The following CDC42BPA variants were observed in gnomAD, a reference collection of about 807,000 sequenced individuals.
CDC42BPA encodes CDC42 binding protein kinase alpha, also known as serine/threonine-protein kinase MRCK alpha.
Under a neutral mutation model 223.5 loss-of-function variants are expected in CDC42BPA, and 80 were observed. That is an observed-to-expected ratio of 0.36 (90% CI 0.30 to 0.43). The LOEUF (loss-of-function observed/expected upper bound fraction) is 0.43. Among genes scored for constraint, CDC42BPA ranks in the 20% least tolerant of loss-of-function variants. CDC42BPA has a pLI of 1.00. For synonymous variants in CDC42BPA, 694 were observed against 718.6 expected (o/e 0.97, Z 0.55); for missense variants, 1,743 against 2,099.9 (o/e 0.83, Z 3.32).
chr1:227,188,583 A>T (rs1196732246), intron 5 of CDC42BPA, among the ~76,000 whole-genome samples: 1 of 152,184 alleles, frequency 6.6e-6, no homozygotes, highest in African/African-American at 2.4e-5. Context: ...TTGCTAAGCG[A>T]GAGAAGCCAA....
At chr1:227,102,451 A>G (rs1685207150) in intron 14 of CDC42BPA, among the ~76,000 whole-genome samples, 1 of 152,154 alleles carries the variant, frequency 6.6e-6, no homozygotes, top group South Asian at 2.1e-4. Context: ...CTAAATTGAC[A>G]TCTGTGGCAC....
At chr1:227,035,867 C>T (rs970556734) in intron 24 of CDC42BPA, among the ~76,000 whole-genome samples, 8 of 152,102 alleles carry the variant, frequency 5.3e-5, no homozygotes, top group Non-Finnish European at 1.0e-4. Context: ...AAGCAACAGA[C>T]GAAGCATCTA....
At chr1:227,232,637 A>C (rs932970488) in intron 2 of CDC42BPA, among the ~76,000 whole-genome samples, 2 of 152,222 alleles carry the variant, frequency 1.3e-5, no homozygotes, top group Non-Finnish European at 2.9e-5. Flanking sequence ...TCTAACAGTC[A>C]GGACCCTCAG....
At chr1:227,065,721 T>A (rs1184511006) in intron 21 of CDC42BPA, among the ~76,000 whole-genome samples, 3 of 151,924 alleles carry the variant, frequency 2.0e-5, no homozygotes, top group Non-Finnish European at 4.4e-5. Context: ...AAAGTAGGAG[T>A]AAAGAAGGTA....
chr1:227,257,968 A>G (rs1683382587), intron 1 of CDC42BPA, among the ~76,000 whole-genome samples: 1 of 150,650 alleles, frequency 6.6e-6, no homozygotes, highest in Admixed American at 6.6e-5. Flanking sequence ...CTAAGAGTTC[A>G]AGACCAGCGT....
chr1:227,268,619 T>C (rs543689934), intron 1 of CDC42BPA, among the ~76,000 whole-genome samples: 1 of 91,124 alleles, frequency 1.1e-5, no homozygotes, highest in South Asian at 3.9e-4. Flanking sequence ...AGTGTGTGTA[T>C]ATATATAGTA....
chr1:227,166,617 G>C (rs565424465), intron 5 of CDC42BPA, among the ~76,000 whole-genome samples: 5 of 152,194 alleles, frequency 3.3e-5, no homozygotes, highest in Non-Finnish European at 1.5e-5. Flanking sequence ...ATTTATAGTA[G>C]TCATAAGAAA....
At chr1:227,267,673 T>C (rs1167108932) in intron 1 of CDC42BPA, among the ~76,000 whole-genome samples, 2 of 152,138 alleles carry the variant, frequency 1.3e-5, no homozygotes, top group Non-Finnish European at 2.9e-5. Flanking sequence ...TCAGAAAACT[T>C]ACAATCATGG....
chr1:227,150,234 A>AC (rs1180957260), intron 6 of CDC42BPA, among the ~76,000 whole-genome samples: 4 of 151,614 alleles, frequency 2.6e-5, no homozygotes, highest in African/African-American at 7.3e-5. Context: ...CAAAAAAAAA[A>AC]AAACAAAAAA....
In CDC42BPA at chr1:226,993,950, CACTT is replaced by C. The variant is rs1661065915; in HGVS notation, c.*314_*317del. On this transcript the variant is annotated 3_prime_UTR_variant, in exon 37 of 37. Transcript: ENST00000366766. Reference sequence around the variant, plus strand: ...AAAATCTGTCTAATCTTATTCTTATCACTTACATTTGTGTAATCTGTCTATTTAA... The same window carrying C: ...AAAATCTGTCTAATCTTATTCTTATCACATTTGTGTAATCTGTCTATTTAA... 1 of 229,112 alleles carries C rather than the reference CACTT, an allele frequency of 4.4e-6. No individual in the cohort carries two copies. The highest frequency in any genetic ancestry group is 2.3e-5 in the African/African-American group (1 of 43,320). The allele number at this position is 229,112 out of a possible 1,614,324, so 14.2% of individuals were successfully genotyped here. A position where few individuals can be genotyped will look rare whatever the true frequency, so the allele number is the denominator to read the frequency against.
chr1:227,063,000 T>C (rs1269952383), intron 21 of CDC42BPA, among the ~76,000 whole-genome samples: 1 of 152,166 alleles, frequency 6.6e-6, no homozygotes, highest in Non-Finnish European at 1.5e-5. Flanking sequence ...ACAATACATT[T>C]TCTAAGCCAA....
chr1:227,008,364 G>A (rs1337072164), intron 34 of CDC42BPA, among the ~76,000 whole-genome samples: 1 of 152,124 alleles, frequency 6.6e-6, no homozygotes, highest in Non-Finnish European at 1.5e-5. Flanking sequence ...TATCTTCTTT[G>A]CTATAATATG....
At chr1:227,029,343 G>C in intron 29 of CDC42BPA, 93 bp from the exon 30 acceptor site, 1 of 775,808 alleles carries the variant, frequency 1.3e-6, no homozygotes, top group Non-Finnish European at 2.0e-6. Context: ...ACTTACAGAT[G>C]CACATACGGA....
Position 227,206,424 on chromosome 1 carries a change from C to T in CDC42BPA, c.354+6712G>A, listed in dbSNP as rs74789141. Among the ~76,000 whole-genome samples the T allele has an allele frequency of 2.7e-3, 404 of 152,098 alleles. 3 individuals carry two copies. Among genetic ancestry groups the T allele is most frequent in the African/African-American group, 9.4e-3 (390 of 41,506 alleles). On this transcript the variant is annotated intron_variant, in intron 3 of 36. Transcript: ENST00000366766. ...GGCTTCCTAGCACCTTTGAGTAACC[C>T]GTATATCATTAATTATATATTTGAC...
chr1:226,998,718 C>T lies in CDC42BPA; in HGVS notation c.4976-3738G>A, dbSNP rs548178766. On this transcript the variant is annotated intron_variant, in intron 35 of 36. Coordinates refer to ENST00000366766, the MANE Select transcript of CDC42BPA (RefSeq NM_001394014.1). ...TAGAAGAAAACCTAGGCAATACCAT[C>T]GAGGACACAGGCATGGGCAAGGACT... is the stretch of plus-strand genomic sequence containing the variant. Among the ~76,000 whole-genome samples the T allele has an allele frequency of 8.5e-5, 13 of 152,234 alleles. No homozygotes were observed. In the East Asian group the frequency reaches 2.1e-3, roughly 25 times the overall value.
intron 12 of CDC42BPA, among the ~76,000 whole-genome samples, chr1:227,115,132 C>T (rs9426605): frequency 0.13 from 19,639 of 151,828 alleles, 1,346 homozygotes; most frequent in East Asian, 0.26. Flanking sequence ...TTATGTTATA[C>T]GTATTTTACC....
rs184365959 is a variant in CDC42BPA at position 227,153,666 on chromosome 1, C to T, written c.694-6107G>A. Among the ~76,000 whole-genome samples the T allele has an allele frequency of 1.7e-3, 253 of 151,898 alleles. 3 individuals carry two copies. Among genetic ancestry groups the T allele is most frequent in the African/African-American group, 5.3e-3 (219 of 41,516 alleles). ...AAATGGACAATTTTCATTGAAAAGA[C>T]TATAACGTATTAAAACTCAGGAAGA... On this transcript the variant is annotated intron_variant, in intron 6 of 36. Transcript: ENST00000366766.
At chr1:227,151,092 A>T (rs1661666962) in intron 6 of CDC42BPA, among the ~76,000 whole-genome samples, 1 of 152,056 alleles carries the variant, frequency 6.6e-6, no homozygotes, top group Non-Finnish European at 1.5e-5. Flanking sequence ...ACCAGTCCCC[A>T]CCATCCTTCT....
At chr1:227,308,098 T>C (rs185051674) in intron 1 of CDC42BPA, among the ~76,000 whole-genome samples, 1 of 152,212 alleles carries the variant, frequency 6.6e-6, no homozygotes, top group Admixed American at 6.5e-5. Context: ...AAGATACAAA[T>C]GTATGTTAAT....
Sources: gnomAD v4.1 joint callset for allele counts (sites outside exome capture counted in the v4.1 genomes callset) on GRCh38, gnomAD v4.1.1 for gene constraint, MANE v1.5 for transcripts, NCBI Gene and HGNC (gene_info 2026-07-23, HGNC 2026-07-21) for gene names.